ZMAT4: variants seen among roughly 807,000 people sequenced by gnomAD.
The protein encoded by ZMAT4 is zinc finger matrin-type 4, also known as zinc finger matrin-type protein 4.
ZMAT4 carries 17 observed loss-of-function variants against 28.7 expected under a neutral mutation model. The ratio of observed to expected loss-of-function variants is 0.59; its 90% CI spans 0.41 to 0.89. The LOEUF (loss-of-function observed/expected upper bound fraction) is 0.89. Ranked by LOEUF, ZMAT4 falls within the 40% of genes least tolerant of loss-of-function variation. The pLI is 0.00. For synonymous variants in ZMAT4, 117 were observed against 109.2 expected (o/e 1.07, Z -0.44); for missense variants, 240 against 283.8 (o/e 0.85, Z 1.11).
At chr8:40,679,643 C>T (rs181389996) in intron 4 of ZMAT4, among the ~76,000 whole-genome samples, 9 of 152,270 alleles carry the variant, frequency 5.9e-5, no homozygotes, top group Admixed American at 4.6e-4. Context: ...AATTACTTCC[C>T]ACTGGGTCCC....
intron 5 of ZMAT4, among the ~76,000 whole-genome samples, chr8:40,639,043 C>G (rs1433769143): frequency 2.0e-5 from 3 of 152,208 alleles, no homozygotes; most frequent in African/African-American, 7.2e-5. Context: ...GATGCCCCTC[C>G]AGCCAACCTT....
chr8:40,599,857 C>T (rs531867702), intron 5 of ZMAT4, among the ~76,000 whole-genome samples: 27 of 152,290 alleles, frequency 1.8e-4, no homozygotes, highest in African/African-American at 6.5e-4. Flanking sequence ...GGTCCCAGCA[C>T]CGGTCCCTTC....
chr8:40,888,742 G>A (rs1225651603), intron 1 of ZMAT4, among the ~76,000 whole-genome samples: 6 of 152,358 alleles, frequency 3.9e-5, no homozygotes, highest in South Asian at 2.1e-4. Context: ...TAACAAATGC[G>A]ACACTCCATC....
At chr8:40,859,205 G>A (rs776380818) in intron 1 of ZMAT4, among the ~76,000 whole-genome samples, 2 of 152,162 alleles carry the variant, frequency 1.3e-5, no homozygotes. Flanking sequence ...AAGGTGCCGT[G>A]ATTCCCCCTG....
chr8:40,613,292 C>T (rs1020704699), intron 5 of ZMAT4, among the ~76,000 whole-genome samples: 2 of 146,038 alleles, frequency 1.4e-5, no homozygotes, highest in Non-Finnish European at 1.5e-5. Context: ...AAGCAATCCT[C>T]CTGACTCAGT....
intron 3 of ZMAT4, among the ~76,000 whole-genome samples, chr8:40,731,729 T>C (rs749803747): frequency 1.3e-5 from 2 of 152,192 alleles, no homozygotes; most frequent in Non-Finnish European, 2.9e-5. Flanking sequence ...AAGAAAATGA[T>C]TTATGAATAA....
chr8:40,553,086 A>G (rs1426014547), intron 6 of ZMAT4, among the ~76,000 whole-genome samples: 1 of 152,162 alleles, frequency 6.6e-6, no homozygotes, highest in East Asian at 1.9e-4. Flanking sequence ...CATAAAATGA[A>G]CTGTGTCCGC....
At position 40,849,949 on chromosome 8, in the gene ZMAT4, C is replaced by T. The variant is rs9657187; in HGVS notation, c.-4-24269G>A. Among the ~76,000 whole-genome samples, 1,006 of 138,524 alleles carry T rather than the reference C, an allele frequency of 7.3e-3. 6 individuals carry two copies. Among genetic ancestry groups the T allele is most frequent in the African/African-American group, 0.02 (741 of 36,452 alleles). 90.9% of individuals were successfully genotyped at this position (138,524 alleles called of 152,430 possible). A position where few individuals can be genotyped will look rare whatever the true frequency, so the allele number is the denominator to read the frequency against. On this transcript the variant is annotated intron_variant, in intron 1 of 6. Transcript: ENST00000297737. ...CCTGGCACAACCATTCACCCCGCTG[C>T]TCAGAATGGAAACCTGGGATCGCTC...
intron 4 of ZMAT4, among the ~76,000 whole-genome samples, chr8:40,681,929 T>C (rs1474242806): frequency 6.6e-6 from 1 of 152,046 alleles, no homozygotes; most frequent in Non-Finnish European, 1.5e-5. Context: ...CCTGGGGACA[T>C]GTTCAGAACA....
chr8:40,695,768 ATTTTTTTTTTTTTTTTTTT>A (rs756360990), intron 4 of ZMAT4, among the ~76,000 whole-genome samples: 36 of 58,468 alleles, frequency 6.2e-4, no homozygotes, highest in Non-Finnish European at 1.0e-3. Flanking sequence ...CCATGTGGCA[ATTTTTTTTTTTTTTTTTTT>A]TTTTTTTTTT....
intron 3 of ZMAT4, among the ~76,000 whole-genome samples, chr8:40,757,858 G>C (rs932838492): frequency 6.6e-6 from 1 of 152,028 alleles, no homozygotes; most frequent in Non-Finnish European, 1.5e-5. Flanking sequence ...CCTCAGTCTG[G>C]GTGGGCACCA....
At chr8:40,833,924 CT>C (rs1816383617) in intron 1 of ZMAT4, among the ~76,000 whole-genome samples, 1 of 152,218 alleles carries the variant, frequency 6.6e-6, no homozygotes, top group Non-Finnish European at 1.5e-5. Context: ...GGTGCAAGCT[CT>C]GCTTTCCAGC....
At chr8:40,610,219 A>G (rs1029416841) in intron 5 of ZMAT4, among the ~76,000 whole-genome samples, 2 of 152,254 alleles carry the variant, frequency 1.3e-5, no homozygotes, top group Non-Finnish European at 2.9e-5. Context: ...TACATCCAGG[A>G]AATAGATAAA....
chr8:40,733,490 A>G (rs1371464273), intron 3 of ZMAT4, among the ~76,000 whole-genome samples: 2 of 152,218 alleles, frequency 1.3e-5, no homozygotes, highest in Admixed American at 6.5e-5. Flanking sequence ...TGTGTATTCT[A>G]CAGAATTAAC....
rs34915339 is a variant in ZMAT4 at position 40,534,677 on chromosome 8, CTTTTTTTTTTTT to C, written c.675-2451_675-2440del. On this transcript the variant is annotated intron_variant, in intron 6 of 6. Transcript: ENST00000297737. ...AGTTTCACATTTGCACATTTGCTAC[CTTTTTTTTTTTT>C]TTTTTTTTTTTGAGACTGAGTCACG... is the stretch of plus-strand genomic sequence containing the variant. Among the ~76,000 whole-genome samples, 4 of 87,382 alleles carry C rather than the reference CTTTTTTTTTTTT, an allele frequency of 4.6e-5. No individual in the cohort carries two copies. In the South Asian group the frequency reaches 1.9e-3, roughly 41 times the overall value. The allele number at this position is 87,382 out of a possible 152,430, so 57.3% of individuals were successfully genotyped here.
At chr8:40,731,657 A>G (rs1314554570) in intron 3 of ZMAT4, among the ~76,000 whole-genome samples, 3 of 152,242 alleles carry the variant, frequency 2.0e-5, no homozygotes, top group Non-Finnish European at 4.4e-5. Flanking sequence ...CTATGAGACA[A>G]ACACTTGAAA....
At chr8:40,582,304 C>A (rs1804492182) in intron 5 of ZMAT4, among the ~76,000 whole-genome samples, 1 of 152,050 alleles carries the variant, frequency 6.6e-6, no homozygotes, top group Non-Finnish European at 1.5e-5. Flanking sequence ...AGTTCAAGAC[C>A]AACCTGAGCC....
At chr8:40,596,778 A>G (rs1805120682) in intron 5 of ZMAT4, among the ~76,000 whole-genome samples, 1 of 152,238 alleles carries the variant, frequency 6.6e-6, no homozygotes, top group Admixed American at 6.5e-5. Flanking sequence ...CCCCAAATCA[A>G]TAGAGTTGCC....
intron 1 of ZMAT4, among the ~76,000 whole-genome samples, chr8:40,850,908 G>A (rs1432877653): frequency 1.3e-5 from 2 of 151,918 alleles, no homozygotes; most frequent in Admixed American, 1.3e-4. Flanking sequence ...GTCTATGTGC[G>A]GCATATCTAT....
Sources: allele counts gnomAD v4.1 joint callset (sites outside exome capture counted in the v4.1 genomes callset), GRCh38; gene constraint gnomAD v4.1.1; transcripts MANE v1.5; gene names NCBI Gene and HGNC (gene_info 2026-07-23, HGNC 2026-07-21).